Variants in GLB1L3 observed in about 807,000 individuals in gnomAD.
The protein encoded by GLB1L3 is beta-galactosidase-1-like protein 3.
GLB1L3 carries 89 observed loss-of-function variants against 89.5 expected under a neutral mutation model. That is an observed-to-expected ratio of 0.99 (90% CI 0.84 to 1.19). The LOEUF (loss-of-function observed/expected upper bound fraction) is 1.19. GLB1L3 is among the 50% of genes most tolerant of loss of function. GLB1L3 has a pLI of 0.00. For missense variants in GLB1L3, 812 were observed against 813.3 expected, an observed-to-expected ratio of 1.00 and a Z score of 0.02; for synonymous variants, 314 against 312.3, an observed-to-expected ratio of 1.01 and a Z score of -0.06.
intron 19 of GLB1L3, 36 bp from the exon 20 acceptor site, chr11:134,318,841 C>T (rs1166390943): frequency 1.3e-6 from 2 of 1,587,898 alleles, no homozygotes; most frequent in Non-Finnish European, 1.7e-6. Flanking sequence ...AAATAGGCTT[C>T]ACCTTTCCCA....
At chr11:134,279,491 T>G (rs898724727) in intron 3 of GLB1L3, among the ~76,000 whole-genome samples, 2 of 151,382 alleles carry the variant, frequency 1.3e-5, no homozygotes, top group African/African-American at 4.9e-5. Context: ...CTCACCCTCC[T>G]GAGTAGCTGG....
At chr11:134,288,293 G>C (rs968069285) in intron 6 of GLB1L3, among the ~76,000 whole-genome samples, 2 of 152,152 alleles carry the variant, frequency 1.3e-5, no homozygotes, top group Non-Finnish European at 2.9e-5. Flanking sequence ...ACATTCCTGG[G>C]CCTCTGCCCC....
chr11:134,287,211 C>T (rs1350571831), intron 6 of GLB1L3: 1 of 152,208 alleles, frequency 6.6e-6, no homozygotes, highest in Non-Finnish European at 1.5e-5. Flanking sequence ...GAAGTTTTAC[C>T]AGAAGCACAA....
At chr11:134,286,290 T>C (rs1164881765) in intron 6 of GLB1L3, among the ~76,000 whole-genome samples, 1 of 152,150 alleles carries the variant, frequency 6.6e-6, no homozygotes, top group Non-Finnish European at 1.5e-5. Context: ...AGCTTAGGAA[T>C]GGTGTTGCTG....
At chr11:134,302,145 C>A (rs1941977483) in intron 9 of GLB1L3, among the ~76,000 whole-genome samples, 1 of 152,154 alleles carries the variant, frequency 6.6e-6, no homozygotes, top group Non-Finnish European at 1.5e-5. Flanking sequence ...CAGCCAAATA[C>A]AATGTCCCAG....
chr11:134,282,301 C>CG (rs1451259413), intron 5 of GLB1L3, among the ~76,000 whole-genome samples, 181 bp downstream of exon 5: 5 of 152,098 alleles, frequency 3.3e-5, no homozygotes, highest in Non-Finnish European at 7.4e-5. Flanking sequence ...ACTGCGGTGG[C>CG]GGGGGGCGGG....
In GLB1L3 at chr11:134,281,592, C is replaced by A. The variant is rs542095418; in HGVS notation, c.431+147C>A. On this transcript the variant is annotated intron_variant, in intron 4 of 19. Coordinates refer to ENST00000431683, the MANE Select transcript of GLB1L3 (RefSeq NM_001080407.3). Reference sequence around the variant, plus strand: ...CTGTGAGAGGCCCTGCACCCAGGACCCAGACGCTCCCCAACCGTGACCTGT... The same window carrying A: ...CTGTGAGAGGCCCTGCACCCAGGACACAGACGCTCCCCAACCGTGACCTGT... 5 of 769,208 alleles carry A rather than the reference C, an allele frequency of 6.5e-6. No homozygotes were observed. In the East Asian group the frequency reaches 1.2e-4, roughly 19 times the overall value. 47.6% of individuals were successfully genotyped at this position (769,208 alleles called of 1,614,324 possible).
intron 9 of GLB1L3, among the ~76,000 whole-genome samples, chr11:134,298,519 C>G (rs1372535202): frequency 2.6e-5 from 4 of 152,060 alleles, no homozygotes; most frequent in Non-Finnish European, 5.9e-5. Flanking sequence ...ATTGTGTCTC[C>G]TAGAATTCCC....
chr11:134,297,010 GA>G (rs1466623625), intron 9 of GLB1L3, among the ~76,000 whole-genome samples: 1 of 151,938 alleles, frequency 6.6e-6, no homozygotes, highest in Non-Finnish European at 1.5e-5. Flanking sequence ...TTTGTGAGAG[GA>G]ATGTTGACAC....
intron 9 of GLB1L3, among the ~76,000 whole-genome samples, chr11:134,295,342 T>C (rs968109815): frequency 3.9e-5 from 6 of 152,222 alleles, no homozygotes; most frequent in Non-Finnish European, 8.8e-5. Context: ...GTAATTTACA[T>C]CTTTCAAGGA....
At chr11:134,283,099 G>A (rs771162631) in intron 5 of GLB1L3, among the ~76,000 whole-genome samples, 22 of 151,830 alleles carry the variant, frequency 1.4e-4, no homozygotes, top group Admixed American at 6.6e-4. Flanking sequence ...TCTTGCTCTC[G>A]TCACCCAGGC....
Position 134,294,632 on chromosome 11 carries a change from T to G in GLB1L3, c.876+1423T>G, listed in dbSNP as rs373123905. Among the ~76,000 whole-genome samples the G allele has an allele frequency of 1.5e-3, 236 of 152,336 alleles. 1 individual carries two copies. The highest frequency in any genetic ancestry group is 2.6e-3 in the Non-Finnish European group (180 of 68,024). ...CAAAATGTTCATTGCTTTTAATGCT[T>G]ATCACAGTTAATCCCGTCTCCAGCC... On this transcript the variant is annotated intron_variant, in intron 9 of 19. Coordinates refer to ENST00000431683, the MANE Select transcript of GLB1L3 (RefSeq NM_001080407.3).
chr11:134,277,870 G>A lies in GLB1L3; in HGVS notation c.320G>A (p.Arg107His), dbSNP rs369203437. 3.7e-6 allele frequency: 6 copies of A among 1,613,822 alleles called. No individual in the cohort carries two copies. The African/African-American group carries it at 8.0e-5, about 22-fold the overall frequency. Residue 107 changes from arginine (R) to histidine (H), a missense_variant, in exon 3 of 20, where the codon CGC becomes CAC. Around this residue, in one of 3 missense-constraint regions of GLB1L3, gnomAD observed 191 missense variants for 191.4 expected, o/e 1.00. Transcript: ENST00000431683. ...GTGCCCAGGGAGTACTGGAGGGACC[G>A]CCTGCTGAAGCTGAAGGCCTGTGGC... ...FRVPREYWRD[R>H]LLKLKACGFN...
In GLB1L3 at chr11:134,311,071, C is replaced by G; in HGVS notation, c.1188C>G (p.Pro396=). The G allele has an allele frequency of 6.2e-7, 1 of 1,613,504 alleles. No individual in the cohort carries two copies. Among genetic ancestry groups the G allele is most frequent in the Non-Finnish European group, 8.5e-7 (1 of 1,179,612 alleles). ...GCCCCATCTCCATTGCAGCAACTCC[C>G]CTGCCCCGAGTACCCAAACTTCCTC... The part of the protein sequence containing the change: ...QKLFQSVSAT[P]LPRVPKLPPK... The change falls in exon 13 of 20, where the codon CCC becomes CCG. Residue 396 remains proline (P), a synonymous_variant. Coordinates refer to ENST00000431683, the MANE Select transcript of GLB1L3 (RefSeq NM_001080407.3).
At chr11:134,302,496 AAC>A (rs746697318) in intron 9 of GLB1L3, among the ~76,000 whole-genome samples, 2 of 152,214 alleles carry the variant, frequency 1.3e-5, no homozygotes, top group Non-Finnish European at 2.9e-5. Flanking sequence ...GGTTTGAAAT[AAC>A]ACTGATAATA....
At chr11:134,305,763 A>G (rs1413141066) in intron 9 of GLB1L3, among the ~76,000 whole-genome samples, 1 of 152,234 alleles carries the variant, frequency 6.6e-6, no homozygotes, top group Non-Finnish European at 1.5e-5. Context: ...AGAGATATGA[A>G]TAAGATTATA....
intron 3 of GLB1L3, among the ~76,000 whole-genome samples, 197 bp downstream of exon 3, chr11:134,278,109 G>T (rs1248497155): frequency 2.0e-5 from 3 of 152,150 alleles, no homozygotes; most frequent in Admixed American, 6.5e-5. Flanking sequence ...CAAAGACTTG[G>T]ATAGGGGTTA....
downstream of GLB1L3, among the ~76,000 whole-genome samples, chr11:134,320,688 A>C (rs1040608494): frequency 6.6e-6 from 1 of 152,096 alleles, no homozygotes; most frequent in South Asian, 2.1e-4. Context: ...AGAGAAAAAG[A>C]GCTCACAACT....
intron 11 of GLB1L3, chr11:134,310,134 T>C (rs1348972822): frequency 5.2e-6 from 2 of 387,140 alleles, no homozygotes; most frequent in Non-Finnish European, 9.4e-6. Context: ...TCCACTCTTT[T>C]GGCTTCCCTG....
Sources: gnomAD v4.1 joint callset for allele counts (sites outside exome capture counted in the v4.1 genomes callset) on GRCh38, gnomAD v4.1.1 for gene constraint, gnomAD v4.1.1 regional missense constraint, MANE v1.5 for transcripts, NCBI Gene and HGNC (gene_info 2026-07-23, HGNC 2026-07-21) for gene names.